The following DMKN variants were observed in gnomAD, a reference collection of about 807,000 sequenced individuals.
DMKN encodes the protein dermokine.
Under a neutral mutation model 67.6 loss-of-function variants are expected in DMKN, and 58 were observed. The ratio of observed to expected loss-of-function variants is 0.86; its 90% CI spans 0.69 to 1.07. The LOEUF (loss-of-function observed/expected upper bound fraction) is 1.07. Ranked by LOEUF, DMKN falls within the 50% of genes least tolerant of loss-of-function variation. DMKN has a pLI of 0.00. For synonymous variants in DMKN, 240 were observed against 232.3 expected (o/e 1.03, Z -0.30); for missense variants, 596 against 601.5 (o/e 0.99, Z 0.10).
Position 35,505,714 on chromosome 19 carries a change from T to G in DMKN, c.1134+4A>C, listed in dbSNP as rs2069342153. ...CCTCTCCGACGAAGATGTCCAGCCC[T>G]TACCTTGTTTATGGCATCCCAGTTG... On this transcript the variant is annotated splice_donor_region_variant and intron_variant, in intron 9 of 15. Coordinates refer to ENST00000339686, the MANE Select transcript of DMKN (RefSeq NM_033317.5). 6.2e-7 allele frequency: 1 copy of G among 1,614,230 alleles called. No homozygotes were observed.
chr19:35,505,688 C>T (rs780174713), intron 9 of DMKN, 30 bp downstream of exon 9: 1 of 1,614,042 alleles, frequency 6.2e-7, no homozygotes, highest in East Asian at 2.2e-5. Context: ...TTCCCTATAG[C>T]CCTCTCCGAC....
chr19:35,500,254 C>A, intron 12 of DMKN: 1 of 1,389,728 alleles, frequency 7.2e-7, no homozygotes, highest in Middle Eastern at 1.9e-4. Flanking sequence ...CCTCCTCCTC[C>A]TACTCCTCCT....
intron 9 of DMKN, among the ~76,000 whole-genome samples, chr19:35,503,817 A>C (rs891300447): frequency 1.3e-5 from 2 of 152,102 alleles, no homozygotes; most frequent in African/African-American, 2.4e-5. Context: ...TAGGAATTCC[A>C]GGGCATTGTG....
At chr19:35,505,129 C>T (rs1239761050) in intron 9 of DMKN, among the ~76,000 whole-genome samples, 4 of 152,154 alleles carry the variant, frequency 2.6e-5, no homozygotes, top group African/African-American at 9.7e-5. Context: ...TCCTTCCTCC[C>T]CTCCCTTCCA....
intron 11 of DMKN, chr19:35,501,655 C>G (rs2068385312): frequency 1.5e-6 from 1 of 648,950 alleles, no homozygotes; most frequent in Non-Finnish European, 2.5e-6. Flanking sequence ...TCCCCATCCT[C>G]CCTGACCCAG....
intron 1 of DMKN, 91 bp downstream of exon 1, chr19:35,512,959 A>C: frequency 6.4e-7 from 1 of 1,565,900 alleles, no homozygotes; most frequent in Non-Finnish European, 8.6e-7. Context: ...TGCAAGTAAG[A>C]GATCCATCCA....
chr19:35,511,299 G>C, intron 5 of DMKN, 112 bp downstream of exon 5: 1 of 1,550,116 alleles, frequency 6.5e-7, no homozygotes, highest in Middle Eastern at 2.4e-4. Flanking sequence ...CTATCAGCGA[G>C]GCCGCCCATC....
At chr19:35,512,347 T>G (rs537903533) in intron 3 of DMKN, 74 bp downstream of exon 3, 1 of 1,566,626 alleles carries the variant, frequency 6.4e-7, no homozygotes, top group Admixed American at 1.9e-5. Context: ...CTTGCTTTCC[T>G]CTTTGTCTTT....
chr19:35,507,631 G>T, intron 7 of DMKN: 2 of 809,584 alleles, frequency 2.5e-6, no homozygotes, highest in South Asian at 1.5e-5. Flanking sequence ...ACATGAGCAT[G>T]ACAGAGGACT....
chr19:35,502,201 G>A lies in DMKN; in HGVS notation c.1192-18C>T, dbSNP rs768207369. The stretch of plus-strand genomic sequence containing the variant: ...TTGAAATCCTGCAGGGAGAAGGAGG[G>A]CAGAGTGGGCCGGGGAGGCAGAACC... On this transcript the variant is annotated intron_variant, in intron 10 of 15. Transcript: ENST00000339686. The A allele has an allele frequency of 1.5e-5, 25 of 1,613,686 alleles. No homozygotes were observed. Among genetic ancestry groups the A allele is most frequent in the Non-Finnish European group, 2.5e-6 (3 of 1,179,774 alleles).
At chr19:35,499,848 C>A in intron 13 of DMKN, 110 bp downstream of exon 13, 1 of 1,146,074 alleles carries the variant, frequency 8.7e-7, no homozygotes, top group Non-Finnish European at 1.3e-6. Context: ...TCAAAGAGAG[C>A]GGGATCCGGC....
In DMKN at chr19:35,513,585, C is replaced by G; in HGVS notation, c.-110G>C. The stretch of plus-strand genomic sequence containing the variant: ...CTCCTCTGTCCTCCTCCTTCCGACT[C>G]CCTGTCCTCCCTCCCTCTGGGTCTG... On this transcript the variant is annotated 5_prime_UTR_variant, in exon 1 of 16. Coordinates refer to ENST00000339686, the MANE Select transcript of DMKN (RefSeq NM_033317.5). The G allele has an allele frequency of 7.4e-7, 1 of 1,351,688 alleles. No homozygotes were observed. Among genetic ancestry groups the G allele is most frequent in the Non-Finnish European group, 9.8e-7 (1 of 1,018,300 alleles). The allele number at this position is 1,351,688 out of a possible 1,614,324, so 83.7% of individuals were successfully genotyped here. A position where few individuals can be genotyped will look rare whatever the true frequency, so the allele number is the denominator to read the frequency against.
intron 11 of DMKN, chr19:35,501,839 T>C: frequency 1.3e-6 from 2 of 1,577,448 alleles, no homozygotes; most frequent in Non-Finnish European, 1.7e-6. Context: ...GTGGCTCCCC[T>C]GGGTCCAGGC....
chr19:35,512,494 A>T lies in DMKN; in HGVS notation c.628-17T>A. ...CACAGCTCCCTGCAGAGAGGGTGAG[A>T]CTGAGAGTAGGATCCAGAGGGACCA... On this transcript the variant is annotated splice_polypyrimidine_tract_variant and intron_variant, in intron 2 of 15. Coordinates refer to ENST00000339686, the MANE Select transcript of DMKN (RefSeq NM_033317.5). 1 of 1,614,142 alleles carries T rather than the reference A, an allele frequency of 6.2e-7. No homozygotes were observed. Among genetic ancestry groups the T allele is most frequent in the Non-Finnish European group, 8.5e-7 (1 of 1,180,012 alleles).
intron 6 of DMKN, 111 bp downstream of exon 6, chr19:35,510,073 G>A: frequency 3.2e-6 from 5 of 1,570,948 alleles, no homozygotes; most frequent in Non-Finnish European, 4.3e-6. Flanking sequence ...CCACCTCCGC[G>A]GCCATCCAGC....
Position 35,502,882 on chromosome 19 carries a change from T to C in DMKN, c.1139A>G (p.Gln380Arg). 1.2e-6 allele frequency: 2 copies of C among 1,613,838 alleles called. No homozygotes were observed. Among genetic ancestry groups the C allele is most frequent in the Non-Finnish European group, 1.7e-6 (2 of 1,179,852 alleles). The change falls in exon 10 of 16, where the codon CAG (glutamine) becomes CGG (arginine). Residue 380 changes from glutamine (Q) to arginine (R), a missense_variant. Transcript: ENST00000339686. The stretch of plus-strand genomic sequence containing the variant: ...GGCTCGGGTGCTGGGGGGCGGGACC[T>C]GGTTCTGTGGATGAAAGGCGGGGAG... ...FINWDAINKN[Q>R]VPPPSTRALL...
intron 2 of DMKN, 27 bp downstream of exon 2, chr19:35,512,563 A>G (rs781257168): frequency 6.2e-7 from 1 of 1,613,946 alleles, no homozygotes; most frequent in Admixed American, 1.7e-5. Flanking sequence ...GGGAGGTGGC[A>G]GGTAGCAGGT....
At position 35,509,811 on chromosome 19, in the gene DMKN, A is replaced by T. The variant is rs1167625109; in HGVS notation, c.1038+100T>A. On this transcript the variant is annotated intron_variant, in intron 7 of 15. Coordinates refer to ENST00000339686, the MANE Select transcript of DMKN (RefSeq NM_033317.5). ...CCGAAATAGTCAGTTCCCTGCAGACAAGGCAGGAGGGGGTTGAGCAGAGTT... is the reference window on the plus strand; with the variant it reads ...CCGAAATAGTCAGTTCCCTGCAGACTAGGCAGGAGGGGGTTGAGCAGAGTT... The T allele has an allele frequency of 2.2e-6, 3 of 1,381,512 alleles. No individual in the cohort carries two copies. The African/African-American group carries it at 4.3e-5, about 20-fold the overall frequency. 85.6% of individuals were successfully genotyped at this position (1,381,512 alleles called of 1,614,324 possible). A position where few individuals can be genotyped will look rare whatever the true frequency, so the allele number is the denominator to read the frequency against.
intron 13 of DMKN, among the ~76,000 whole-genome samples, chr19:35,499,440 G>A (rs893184523): frequency 6.6e-6 from 1 of 152,158 alleles, no homozygotes; most frequent in African/African-American, 2.4e-5. Context: ...TCTTTGCAAC[G>A]GAATAAAACC....
Sources: allele counts gnomAD v4.1 joint callset (sites outside exome capture counted in the v4.1 genomes callset), GRCh38; gene constraint gnomAD v4.1.1; transcripts MANE v1.5; gene names NCBI Gene and HGNC (gene_info 2026-07-23, HGNC 2026-07-21).